The following LONP1 variants were observed in gnomAD, a reference collection of about 807,000 sequenced individuals.
LONP1 encodes lon peptidase 1, mitochondrial.
LONP1 carries 31 observed loss-of-function variants against 98.5 expected under a neutral mutation model. That is an observed-to-expected ratio of 0.31 (90% CI 0.24 to 0.42). The LOEUF (loss-of-function observed/expected upper bound fraction) is 0.42. LONP1 is among the 20% of genes least tolerant of loss of function. The probability of loss-of-function intolerance (pLI) is 1.00; values close to 1 mark genes in which losing one functional copy is unlikely to be tolerated. For missense variants in LONP1, 1,336 were observed against 1,350.6 expected (o/e 0.99, Z 0.17); for synonymous variants, 781 against 594.7 (o/e 1.31, Z -4.56).
At chr19:5,709,950 C>T (rs1476608302) in intron 4 of LONP1, among the ~76,000 whole-genome samples, 4 of 150,600 alleles carry the variant, frequency 2.7e-5, no homozygotes, top group African/African-American at 7.3e-5. Context: ...AGTTCGCTGC[C>T]CCTAAGGGGT....
intron 10 of LONP1, among the ~76,000 whole-genome samples, chr19:5,697,931 C>T (rs749641099): frequency 1.5e-4 from 23 of 152,072 alleles, no homozygotes; most frequent in African/African-American, 4.1e-4. Context: ...CAAGAGGCTT[C>T]GCGACCACTT....
At chr19:5,696,564 C>G (rs970717898) in intron 11 of LONP1, 106 bp downstream of exon 11, 3 of 1,312,316 alleles carry the variant, frequency 2.3e-6, no homozygotes, top group Admixed American at 4.1e-5. Context: ...AGCATCACGG[C>G]GATGGCCCCT....
rs577572950 is a variant in LONP1, at chr19:5,694,665, G to A, written c.2154+96C>T. 339 of 1,561,698 alleles carry A rather than the reference G, an allele frequency of 2.2e-4. No individual in the cohort carries two copies. In the African/African-American group the frequency reaches 2.4e-3, roughly 11 times the overall value. ...GGCGCGGGGTGGTGGGGTGATGGGCGCAGGAAAGTGGGATGATGGGCATGG... is the reference window on the plus strand; with the variant it reads ...GGCGCGGGGTGGTGGGGTGATGGGCACAGGAAAGTGGGATGATGGGCATGG... On this transcript the variant is annotated intron_variant, in intron 14 of 17. Coordinates refer to ENST00000360614, the MANE Select transcript of LONP1 (RefSeq NM_004793.4).
At chr19:5,700,691 A>G in intron 9 of LONP1, 98 bp downstream of exon 9, 1 of 1,509,172 alleles carries the variant, frequency 6.6e-7, no homozygotes, top group Non-Finnish European at 9.0e-7. Context: ...CTACGAATTC[A>G]CCAGGGGGCT....
intron 8 of LONP1, 30 bp downstream of exon 8, chr19:5,705,742 G>A: frequency 6.2e-7 from 1 of 1,607,664 alleles, no homozygotes; most frequent in Non-Finnish European, 8.5e-7. Flanking sequence ...GGTCACCTGA[G>A]GGCTGGGCCG....
chr19:5,696,719 T>C lies in LONP1; in HGVS notation c.1724A>G (p.Gln575Arg). 1 of 1,613,584 alleles carries C rather than the reference T, an allele frequency of 6.2e-7. No individual in the cohort carries two copies. Among genetic ancestry groups the C allele is most frequent in the Non-Finnish European group, 8.5e-7 (1 of 1,179,954 alleles). Residue 575 changes from glutamine to arginine, a missense_variant, in exon 11 of 18, where the codon CAG becomes CGG. Coordinates refer to ENST00000360614, the MANE Select transcript of LONP1 (RefSeq NM_004793.4). ...CTCCGTCTTGGTCTTCTTCAAACACTGGATGATCTTCCCGGGCATGGCGCC... is the reference window on the plus strand; with the variant it reads ...CTCCGTCTTGGTCTTCTTCAAACACCGGATGATCTTCCCGGGCATGGCGCC... Reference protein sequence around the residue: ...YVGAMPGKIIQCLKKTKTENP... With the variant: ...YVGAMPGKIIRCLKKTKTENP...
chr19:5,696,217 C>T (rs749181218), intron 12 of LONP1, 32 bp downstream of exon 12: 8 of 1,612,804 alleles, frequency 5.0e-6, no homozygotes, highest in Non-Finnish European at 5.9e-6. Context: ...TTACCCTCCC[C>T]AGCAAGCCCA....
intron 8 of LONP1, among the ~76,000 whole-genome samples, chr19:5,701,694 C>T (rs1315887009): frequency 6.6e-6 from 1 of 152,188 alleles, no homozygotes; most frequent in South Asian, 2.1e-4. Flanking sequence ...CCTCCACCTC[C>T]CAGCCGCCTG....
chr19:5,701,787 C>T (rs1408290546), intron 8 of LONP1, among the ~76,000 whole-genome samples: 4 of 151,320 alleles, frequency 2.6e-5, no homozygotes, highest in Admixed American at 6.6e-5. Flanking sequence ...TCTGCCTGGC[C>T]GCCCATCGTC....
rs1217059394 is a variant in LONP1 at position 5,709,908 on chromosome 19, A to C, written c.871-1505T>G. Reference sequence around the variant, plus strand: ...GCCTGGGCGACAGAGGCTCCATCTCAAAAAAAAAAAAAAAAAAAAAAAAAA... The same window carrying C: ...GCCTGGGCGACAGAGGCTCCATCTCCAAAAAAAAAAAAAAAAAAAAAAAAA... On this transcript the variant is annotated intron_variant, in intron 4 of 17. Coordinates refer to ENST00000360614, the MANE Select transcript of LONP1 (RefSeq NM_004793.4). Among the ~76,000 whole-genome samples, 21 of 23,914 alleles carry C rather than the reference A, an allele frequency of 8.8e-4. No homozygotes were observed. The South Asian group carries it at 0.022, about 25-fold the overall frequency. The allele number at this position is 23,914 out of a possible 152,430, so 15.7% of individuals were successfully genotyped here. A position where few individuals can be genotyped will look rare whatever the true frequency, so the allele number is the denominator to read the frequency against.
In LONP1 at chr19:5,699,078, A is replaced by G; in HGVS notation, c.1634T>C (p.Phe545Ser). ...SIARALNREY[F>S]RFSVGGMTDV... The stretch of plus-strand genomic sequence containing the variant: ...AGTCATGCCCCCGACGCTGAAGCGG[A>G]AGTACTCTCGGTTCAGGGCGCGGGC... The change falls in exon 10 of 18, where the codon TTC becomes TCC. Residue 545 changes from phenylalanine (F) to serine (S), a missense_variant. Around this residue, in one of 5 missense-constraint regions of LONP1, gnomAD observed 219 missense variants for 241.0 expected, o/e 0.91. Transcript: ENST00000360614. 1 of 1,608,644 alleles carries G rather than the reference A, an allele frequency of 6.2e-7. No homozygotes were observed. Among genetic ancestry groups the G allele is most frequent in the African/African-American group, 1.3e-5 (1 of 74,842 alleles).
rs756431846 is a variant in LONP1 at position 5,713,205 on chromosome 19, C to A, written c.567G>T (p.Gly189=). 2.5e-6 allele frequency: 4 copies of A among 1,614,198 alleles called. No individual in the cohort carries two copies. The Admixed American group carries it at 6.7e-5, about 27-fold the overall frequency. Residue 189 remains glycine, a synonymous_variant, in exon 3 of 18, where the codon GGG becomes GGT. Coordinates refer to ENST00000360614, the MANE Select transcript of LONP1 (RefSeq NM_004793.4). The part of the protein sequence containing the change: ...VESLDEIYHT[G]TFAQIHEMQD... Reference sequence around the variant, plus strand: ...GCATCTCATGGATCTGGGCAAACGTCCCCGTGTGGTAGATTTCATCCAGGC... The same window carrying A: ...GCATCTCATGGATCTGGGCAAACGTACCCGTGTGGTAGATTTCATCCAGGC...
intron 1 of LONP1, among the ~76,000 whole-genome samples, chr19:5,715,792 G>C (rs1469312082): frequency 6.6e-6 from 1 of 151,406 alleles, no homozygotes; most frequent in Non-Finnish European, 1.5e-5. Context: ...CACATAGCTG[G>C]GGTTACAAGC....
In LONP1 at chr19:5,696,809, A is replaced by G. The variant is rs58283603; in HGVS notation, c.1686-52T>C. 0.034 allele frequency: 43,063 copies of G among 1,279,802 alleles called. 1,337 individuals are homozygous for G. Among genetic ancestry groups the G allele is most frequent in the African/African-American group, 0.15 (10,320 of 68,904 alleles). The allele number at this position is 1,279,802 out of a possible 1,614,324, so 79.3% of individuals were successfully genotyped here. A position where few individuals can be genotyped will look rare whatever the true frequency, so the allele number is the denominator to read the frequency against. ...TCACTTGGTAGCCTGGCTCGGCCAC[A>G]ACGACACCATGCACCCTCCAGGGCC... On this transcript the variant is annotated intron_variant, in intron 10 of 17. Coordinates refer to ENST00000360614, the MANE Select transcript of LONP1 (RefSeq NM_004793.4).
chr19:5,718,332 GC>G (rs1376323091), intron 1 of LONP1, among the ~76,000 whole-genome samples: 1 of 152,062 alleles, frequency 6.6e-6, no homozygotes, highest in Non-Finnish European at 1.5e-5. Context: ...AGAAAAATTA[GC>G]CAGCCACGGT....
rs1396383624 is a variant in LONP1 at position 5,715,575 on chromosome 19, G to A, written c.430-1304C>T. Among the ~76,000 whole-genome samples, 6 of 141,706 alleles carry A rather than the reference G, an allele frequency of 4.2e-5. No homozygotes were observed. In the South Asian group the frequency reaches 1.3e-3, roughly 32 times the overall value. The allele number at this position is 141,706 out of a possible 152,430, so 93.0% of individuals were successfully genotyped here. On this transcript the variant is annotated intron_variant, in intron 1 of 17. Coordinates refer to ENST00000360614, the MANE Select transcript of LONP1 (RefSeq NM_004793.4). ...GAGAATGGCGTGAACCCGGGAGGCG[G>A]AGCATGCAGTGAGCCAAGATCACGC...
At chr19:5,703,170 G>A (rs1367342658) in intron 8 of LONP1, among the ~76,000 whole-genome samples, 3 of 132,830 alleles carry the variant, frequency 2.3e-5, no homozygotes, top group Non-Finnish European at 4.7e-5. Context: ...AACAGAGTGA[G>A]ACTCCATCTC....
At chr19:5,705,457 CAAAAAAAAAAA>C (rs552452093) in intron 8 of LONP1, among the ~76,000 whole-genome samples, 1 of 106,024 alleles carries the variant, frequency 9.4e-6, no homozygotes, top group Non-Finnish European at 1.9e-5. Context: ...GACTCCATTT[CAAAAAAAAAAA>C]AAAAAAAAAG....
At chr19:5,695,334 T>C (rs1429375214) in intron 13 of LONP1, among the ~76,000 whole-genome samples, 2 of 151,938 alleles carry the variant, frequency 1.3e-5, no homozygotes, top group South Asian at 2.1e-4. Flanking sequence ...TCTAATGGCA[T>C]GGGGGAGGGC....
Sources: allele counts gnomAD v4.1 joint callset (sites outside exome capture counted in the v4.1 genomes callset), GRCh38; gene constraint gnomAD v4.1.1; regional missense constraint gnomAD v4.1.1; transcripts MANE v1.5; gene names NCBI Gene and HGNC (gene_info 2026-07-23, HGNC 2026-07-21).